Variants in SLF1 observed in about 807,000 individuals in gnomAD.
SLF1 encodes SMC5-SMC6 complex localization factor protein 1.
In SLF1, 105 loss-of-function variants were observed where a neutral mutation model predicts 123.0. That is an observed-to-expected ratio of 0.85 (90% confidence interval 0.73 to 1.00). SLF1 has a LOEUF of 1.00. Ranked by LOEUF, SLF1 falls within the 50% of genes least tolerant of loss-of-function variation. SLF1 has a pLI of 0.00. For missense variants in SLF1, 1,239 were observed against 1,223.0 expected, an observed-to-expected ratio of 1.01 and a Z score of -0.20; for synonymous variants, 434 against 406.6, an observed-to-expected ratio of 1.07 and a Z score of -0.81.
intron 1 of SLF1, among the ~76,000 whole-genome samples, chr5:94,623,888 A>G (rs139590468): frequency 9.9e-4 from 151 of 152,290 alleles, no homozygotes; most frequent in African/African-American, 3.2e-3. Flanking sequence ...GTTTATATCT[A>G]TTCCTACATA....
At chr5:94,649,387 C>A in intron 5 of SLF1, 67 bp from the exon 6 acceptor site, 1 of 1,271,368 alleles carries the variant, frequency 7.9e-7, no homozygotes, top group Non-Finnish European at 1.0e-6. Context: ...AGTTGAGTAC[C>A]ATAAAACGTA....
At chr5:94,688,800 A>G (rs1454768295) in intron 17 of SLF1, 131 bp downstream of exon 17, 2 of 947,496 alleles carry the variant, frequency 2.1e-6, no homozygotes, top group Non-Finnish European at 2.9e-6. Context: ...TCAATTTTAG[A>G]TCTATTTGAT....
At chr5:94,635,731 A>C (rs1745696523) in intron 4 of SLF1, among the ~76,000 whole-genome samples, 1 of 152,010 alleles carries the variant, frequency 6.6e-6, no homozygotes, top group Non-Finnish European at 1.5e-5. Context: ...TTGATGTCAA[A>C]ATTTATATTA....
intron 15 of SLF1, among the ~76,000 whole-genome samples, chr5:94,681,818 C>A (rs969558863): frequency 6.6e-6 from 1 of 152,122 alleles, no homozygotes; most frequent in Admixed American, 6.5e-5. Context: ...CTAGTTTTTT[C>A]TTTTCTGTTA....
intron 1 of SLF1, among the ~76,000 whole-genome samples, chr5:94,625,232 G>C (rs1585092814): frequency 6.6e-6 from 1 of 151,134 alleles, no homozygotes; most frequent in African/African-American, 2.4e-5. Context: ...AAAAACTCTT[G>C]TATTCTACTG....
At chr5:94,649,761 T>G (rs1391120482) in intron 6 of SLF1, among the ~76,000 whole-genome samples, 164 bp downstream of exon 6, 1 of 152,218 alleles carries the variant, frequency 6.6e-6, no homozygotes, top group Non-Finnish European at 1.5e-5. Context: ...GTCCTATGTC[T>G]CTGGGAACTC....
At chr5:94,647,144 T>G (rs979232804) in intron 5 of SLF1, among the ~76,000 whole-genome samples, 3 of 152,170 alleles carry the variant, frequency 2.0e-5, no homozygotes, top group African/African-American at 7.2e-5. Context: ...TCTCCCCATT[T>G]TGAGTATTAT....
intron 9 of SLF1, among the ~76,000 whole-genome samples, chr5:94,656,217 C>T (rs1561447132): frequency 6.6e-6 from 1 of 151,388 alleles, no homozygotes; most frequent in Non-Finnish European, 1.5e-5. Context: ...TAGTTTTTGT[C>T]CTTCATTTTG....
chr5:94,679,821 A>T (rs1484955530), intron 15 of SLF1, among the ~76,000 whole-genome samples: 1 of 152,144 alleles, frequency 6.6e-6, no homozygotes, highest in Admixed American at 6.5e-5. Context: ...ACAAGGTGAA[A>T]AGTTCTACCC....
At position 94,697,345 on chromosome 5, in the gene SLF1, A is replaced by AT. The variant is rs1351342335; in HGVS notation, c.*2034dup. 1 of 151,888 alleles carries AT rather than the reference A, an allele frequency of 6.6e-6. No individual in the cohort carries two copies. Among genetic ancestry groups the AT allele is most frequent in the Admixed American group, 6.6e-5 (1 of 15,212 alleles). 9.4% of individuals were successfully genotyped at this position (151,888 alleles called of 1,614,324 possible). A position where few individuals can be genotyped will look rare whatever the true frequency, so the allele number is the denominator to read the frequency against. ...CTTCTTATACTTTATTTTAGAAAAC[A>AT]TAATAATAATTGCCTTGAATAATTG... On this transcript the variant is annotated 3_prime_UTR_variant, in exon 21 of 21. Coordinates refer to ENST00000265140, the MANE Select transcript of SLF1 (RefSeq NM_032290.4).
At chr5:94,662,064 AAT>A (rs1328568392) in intron 9 of SLF1, among the ~76,000 whole-genome samples, 3 of 152,310 alleles carry the variant, frequency 2.0e-5, no homozygotes, top group African/African-American at 7.2e-5. Context: ...CTTCAAAGCG[AAT>A]ATGACTTAAT....
At chr5:94,652,594 G>A (rs1747869785) in intron 7 of SLF1, among the ~76,000 whole-genome samples, 1 of 151,846 alleles carries the variant, frequency 6.6e-6, no homozygotes, top group African/African-American at 2.4e-5. Flanking sequence ...CTTTTTATTG[G>A]TTTATGTGTT....
At chr5:94,676,095 A>G (rs1001679424) in intron 14 of SLF1, among the ~76,000 whole-genome samples, 2 of 152,062 alleles carry the variant, frequency 1.3e-5, no homozygotes, top group Admixed American at 6.5e-5. Flanking sequence ...ATCAAAATTT[A>G]CCAACCTCTT....
At chr5:94,618,787 GAC>G (rs1791266521) in intron 1 of SLF1, 22 bp downstream of exon 1, 1 of 154,820 alleles carries the variant, frequency 6.5e-6, no homozygotes, top group African/African-American at 2.4e-5. Flanking sequence ...CAGCTAGGAA[GAC>G]ACAGTGTATT....
intron 4 of SLF1, among the ~76,000 whole-genome samples, chr5:94,638,344 A>AT (rs1220349066): frequency 3.3e-5 from 5 of 151,564 alleles, no homozygotes; most frequent in East Asian, 3.9e-4. Flanking sequence ...ACGCCAGCTA[A>AT]TTTTTTTTGT....
chr5:94,644,356 C>T (rs550962141), intron 5 of SLF1, among the ~76,000 whole-genome samples: 1 of 152,238 alleles, frequency 6.6e-6, no homozygotes, highest in South Asian at 2.1e-4. Flanking sequence ...TCTAAAACAA[C>T]TTTGATCCTG....
intron 7 of SLF1, among the ~76,000 whole-genome samples, chr5:94,652,839 G>A (rs1007049614): frequency 6.6e-6 from 1 of 151,992 alleles, no homozygotes; most frequent in African/African-American, 2.4e-5. Flanking sequence ...GAGATTTTCT[G>A]TTGTACGTAC....
intron 12 of SLF1, among the ~76,000 whole-genome samples, chr5:94,669,918 A>G (rs1251836731): frequency 1.3e-5 from 2 of 152,022 alleles, no homozygotes; most frequent in Non-Finnish European, 2.9e-5. Context: ...ATATTATAAT[A>G]ACTTGAAAAA....
At chr5:94,691,965 A>T in intron 19 of SLF1, 109 bp from the exon 20 acceptor site, 1 of 980,564 alleles carries the variant, frequency 1.0e-6, no homozygotes, top group Non-Finnish European at 1.5e-6. Flanking sequence ...TTCTTTTTGT[A>T]TATGAAGCAC....
Sources: allele counts gnomAD v4.1 joint callset (sites outside exome capture counted in the v4.1 genomes callset), GRCh38; gene constraint gnomAD v4.1.1; transcripts MANE v1.5; gene names NCBI Gene and HGNC (gene_info 2026-07-23, HGNC 2026-07-21).